GLIS3: variants seen among roughly 807,000 people sequenced by gnomAD.
GLIS3 encodes GLIS family zinc finger 3.
A neutral mutation model predicts 78.6 loss-of-function variants in GLIS3; 53 were observed. That is an observed-to-expected ratio of 0.67 (90% CI 0.54 to 0.85). The LOEUF (loss-of-function observed/expected upper bound fraction) is 0.85. Ranked by LOEUF, GLIS3 falls within the 40% of genes least tolerant of loss-of-function variation. GLIS3 has a pLI of 0.00. For synonymous variants in GLIS3, 684 were observed against 509.9 expected, an observed-to-expected ratio of 1.34 and a Z score of -4.60; for missense variants, 1,703 against 1,231.1, an observed-to-expected ratio of 1.38 and a Z score of -5.74.
chr9:3,903,880 G>A (rs1823485966), intron 6 of GLIS3, among the ~76,000 whole-genome samples: 1 of 152,190 alleles, frequency 6.6e-6, no homozygotes, highest in Admixed American at 6.5e-5. Flanking sequence ...TAAGGATGAA[G>A]AGCAAGAGAG....
chr9:4,266,368 T>C (rs139349492), intron 2 of GLIS3, among the ~76,000 whole-genome samples: 18 of 152,220 alleles, frequency 1.2e-4, no homozygotes, highest in African/African-American at 4.1e-4. Context: ...CAGTCTGACA[T>C]AGCTCTAAGA....
At chr9:3,971,894 G>C (rs1386994766) in intron 4 of GLIS3, among the ~76,000 whole-genome samples, 1 of 152,132 alleles carries the variant, frequency 6.6e-6, no homozygotes, top group Non-Finnish European at 1.5e-5. Context: ...TGGCACTGGA[G>C]GCAGTGCTGG....
chr9:3,954,007 G>A (rs1305138751), intron 4 of GLIS3, among the ~76,000 whole-genome samples: 1 of 151,920 alleles, frequency 6.6e-6, no homozygotes, highest in Non-Finnish European at 1.5e-5. Context: ...CCCTCACTTG[G>A]AGTAAATTAA....
At chr9:4,335,298 A>C (rs76974078) in intron 2 of GLIS3, among the ~76,000 whole-genome samples, 1 of 152,238 alleles carries the variant, frequency 6.6e-6, no homozygotes, top group Non-Finnish European at 1.5e-5. Flanking sequence ...ATCAAAGTCT[A>C]TACCACAAAG....
intron 4 of GLIS3, among the ~76,000 whole-genome samples, chr9:4,116,542 G>A (rs927234544): frequency 1.2e-4 from 18 of 152,180 alleles, no homozygotes; most frequent in African/African-American, 2.9e-4. Context: ...AATACCTACC[G>A]GGCAGTGAAA....
intron 4 of GLIS3, among the ~76,000 whole-genome samples, chr9:4,074,508 T>G (rs993163097): frequency 2.6e-5 from 4 of 152,194 alleles, no homozygotes; most frequent in African/African-American, 9.6e-5. Flanking sequence ...GTGATCAATG[T>G]CCTAAGCTGG....
chr9:4,270,888 G>GGTGT (rs148679668), intron 2 of GLIS3, among the ~76,000 whole-genome samples: 10 of 146,904 alleles, frequency 6.8e-5, no homozygotes, highest in African/African-American at 1.5e-4. Flanking sequence ...CAATCTGTGT[G>GGTGT]GTGTGTGTGT....
chr9:4,135,982 T>C (rs924345246), intron 2 of GLIS3, among the ~76,000 whole-genome samples: 1 of 152,216 alleles, frequency 6.6e-6, no homozygotes, highest in Non-Finnish European at 1.5e-5. Context: ...TGTGACTGTA[T>C]GGTGTATTAC....
At chr9:3,991,683 A>AGTTTTTTTTTTTTT (rs1265317427) in intron 4 of GLIS3, among the ~76,000 whole-genome samples, 1 of 87,912 alleles carries the variant, frequency 1.1e-5, no homozygotes, top group Non-Finnish European at 2.0e-5. Context: ...AAGTAGGCTG[A>AGTTTTTTTTTTTTT]TTTTTTTTTT....
intron 2 of GLIS3, chr9:4,147,353 T>C (rs758662523): frequency 1.1e-4 from 17 of 152,182 alleles, no homozygotes; most frequent in Non-Finnish European, 1.3e-4. Context: ...CATGCTTAAA[T>C]TATTCATGTT....
At chr9:4,408,564 T>C in the GLIS3 span, among the ~76,000 whole-genome samples, 4 of 151,000 alleles carry the variant, frequency 2.6e-5, no homozygotes, top group Admixed American at 6.6e-5. Context: ...CCGTCTGTAC[T>C]AAAAATAGAA....
At position 3,851,061 on chromosome 9, in the gene GLIS3, T is replaced by C. The variant is rs147041329; in HGVS notation, c.2473+4948A>G. On this transcript the variant is annotated intron_variant, in intron 9 of 10. Transcript: ENST00000381971. ...CACATAGTGGGTAACCAGTGAACAC[T>C]TGCTGAACTGAACTTGGTGTCTCCT... Among the ~76,000 whole-genome samples, 50 of 152,328 alleles carry C rather than the reference T, an allele frequency of 3.3e-4. No homozygotes were observed. In the East Asian group the frequency reaches 8.9e-3, roughly 27 times the overall value.
chr9:4,277,575 G>C (rs1475865566), intron 2 of GLIS3, among the ~76,000 whole-genome samples: 1 of 151,472 alleles, frequency 6.6e-6, no homozygotes, highest in African/African-American at 2.4e-5. Flanking sequence ...TGTCTTTTTT[G>C]TCTGACCAAC....
At chr9:3,869,726 C>A (rs1350726956) in intron 8 of GLIS3, among the ~76,000 whole-genome samples, 1 of 152,130 alleles carries the variant, frequency 6.6e-6, no homozygotes, top group Non-Finnish European at 1.5e-5. Flanking sequence ...TCAAACCTTC[C>A]TTAGGACCTA....
the GLIS3 span, among the ~76,000 whole-genome samples, chr9:4,478,592 C>T: frequency 6.8e-6 from 1 of 148,016 alleles, no homozygotes; most frequent in Non-Finnish European, 1.5e-5. Flanking sequence ...GCCTGGGCGA[C>T]AGAGATTCCA....
intron 4 of GLIS3, among the ~76,000 whole-genome samples, chr9:3,957,781 T>C (rs1264978624): frequency 6.6e-6 from 1 of 152,200 alleles, no homozygotes; most frequent in Non-Finnish European, 1.5e-5. Context: ...GTTTTTCCTT[T>C]TGTCTGAAAA....
At chr9:4,177,420 T>G (rs764019499) in intron 2 of GLIS3, among the ~76,000 whole-genome samples, 1 of 152,186 alleles carries the variant, frequency 6.6e-6, no homozygotes, top group East Asian at 1.9e-4. Context: ...GCCCCAAATT[T>G]TGGTTGACAT....
intron 2 of GLIS3, among the ~76,000 whole-genome samples, chr9:4,214,047 T>C (rs1336687757): frequency 6.6e-6 from 1 of 152,106 alleles, no homozygotes; most frequent in African/African-American, 2.4e-5. Context: ...AGTGAGTATG[T>C]GTAGTCTTAG....
At chr9:4,087,259 C>A (rs976917640) in intron 4 of GLIS3, among the ~76,000 whole-genome samples, 2 of 152,086 alleles carry the variant, frequency 1.3e-5, no homozygotes, top group Non-Finnish European at 2.9e-5. Context: ...TTTTTTCATC[C>A]CTTATTTAGG....
Sources: allele counts gnomAD v4.1 joint callset (sites outside exome capture counted in the v4.1 genomes callset), GRCh38; gene constraint gnomAD v4.1.1; transcripts MANE v1.5; gene names NCBI Gene and HGNC (gene_info 2026-07-23, HGNC 2026-07-21).